Variants in TIGIT observed in about 807,000 individuals in gnomAD.
TIGIT encodes T-cell immunoreceptor with Ig and ITIM domains.
A neutral mutation model predicts 19.6 loss-of-function variants in TIGIT; 11 were observed. That is an observed-to-expected ratio of 0.56 (90% CI 0.35 to 0.93). TIGIT has a LOEUF of 0.93. TIGIT is among the 40% of genes least tolerant of loss of function. The probability of loss-of-function intolerance (pLI) is 0.01; values close to 1 mark genes in which losing one functional copy is unlikely to be tolerated. For synonymous variants in TIGIT, 130 were observed against 125.5 expected (o/e 1.04, Z -0.24); for missense variants, 295 against 303.9 (o/e 0.97, Z 0.22).
chr3:114,296,014 C>G, intron 2 of TIGIT, 140 bp downstream of exon 2: 2 of 684,542 alleles, frequency 2.9e-6, no homozygotes, highest in South Asian at 3.9e-5. Context: ...ATACTGATGC[C>G]GAGGCCTCAC....
intron 3 of TIGIT, among the ~76,000 whole-genome samples, chr3:114,301,935 T>A (rs2078495313): frequency 6.6e-6 from 1 of 152,166 alleles, no homozygotes. Flanking sequence ...TGAAGACAGT[T>A]TAATAATAGG....
At chr3:114,296,625 A>G (rs1044644461) in intron 2 of TIGIT, among the ~76,000 whole-genome samples, 6 of 152,250 alleles carry the variant, frequency 3.9e-5, no homozygotes, top group African/African-American at 7.2e-5. Context: ...GTCTTAGAAC[A>G]ATGCCTGGAA....
Position 114,308,066 on chromosome 3 carries a change from G to GA in TIGIT, c.671dup (p.Asp224GlufsTer13). ...GGGAGAGGACTGTGCCGAGCTGCAT[G>GA]ACTACTTCAATGTCCTGAGTTACAG... On this transcript the variant is annotated frameshift_variant, in exon 4 of 4. Transcript: ENST00000383671. LOFTEE classifies it high-confidence loss of function. The GA allele has an allele frequency of 6.2e-7, 1 of 1,614,180 alleles. No individual in the cohort carries two copies. Among genetic ancestry groups the GA allele is most frequent in the South Asian group, 1.1e-5 (1 of 91,068 alleles).
chr3:114,301,682 T>C (rs1481530781), intron 3 of TIGIT, among the ~76,000 whole-genome samples: 2 of 152,116 alleles, frequency 1.3e-5, no homozygotes, highest in Admixed American at 6.6e-5. Context: ...ATCTGGAGGG[T>C]AGAGAAAGAG....
intron 2 of TIGIT, 158 bp downstream of exon 2, chr3:114,296,032 A>G: frequency 1.6e-6 from 1 of 620,568 alleles, no homozygotes; most frequent in South Asian, 2.1e-5. Context: ...CACCCAGACC[A>G]ATTCAATCAG....
At chr3:114,304,627 T>C (rs147184918) in intron 3 of TIGIT, among the ~76,000 whole-genome samples, 59 of 152,354 alleles carry the variant, frequency 3.9e-4, no homozygotes, top group African/African-American at 1.4e-3. Flanking sequence ...AGCCAGGTCC[T>C]GTAGTATATA....
At chr3:114,297,999 G>A (rs2078466287) in intron 2 of TIGIT, among the ~76,000 whole-genome samples, 1 of 152,096 alleles carries the variant, frequency 6.6e-6, no homozygotes, top group Non-Finnish European at 1.5e-5. Context: ...GCTTCTTTTT[G>A]AACCTAATCT....
At chr3:114,305,621 G>A (rs537279752) in intron 3 of TIGIT, among the ~76,000 whole-genome samples, 1 of 152,042 alleles carries the variant, frequency 6.6e-6, no homozygotes, top group African/African-American at 2.4e-5. Context: ...GCTCACCAGC[G>A]AGGGCCCAAG....
Position 114,295,801 on chromosome 3 carries a change from C to T in TIGIT, c.318C>T (p.Tyr106=), listed in dbSNP as rs137943110. ...TGACCGTGAACGATACAGGGGAGTACTTCTGCATCTATCACACCTACCCTG... is the reference window on the plus strand; with the variant it reads ...TGACCGTGAACGATACAGGGGAGTATTTCTGCATCTATCACACCTACCCTG... ...QSLTVNDTGE[Y]FCIYHTYPDG... Residue 106 remains tyrosine, a synonymous_variant, in exon 2 of 4, where the codon TAC becomes TAT. Coordinates refer to ENST00000383671, the MANE Select transcript of TIGIT (RefSeq NM_173799.4). The T allele has an allele frequency of 1.8e-5, 29 of 1,614,170 alleles. No individual in the cohort carries two copies. In the East Asian group the frequency reaches 3.6e-4, roughly 20 times the overall value.
At chr3:114,306,939 C>T (rs182494512) in intron 3 of TIGIT, among the ~76,000 whole-genome samples, 59 of 152,276 alleles carry the variant, frequency 3.9e-4, no homozygotes, top group Admixed American at 3.1e-3. Flanking sequence ...AATCACTCTG[C>T]TGGCGACCAT....
At chr3:114,299,832 C>T (rs898072013) in intron 3 of TIGIT, 129 bp downstream of exon 3, 3 of 629,258 alleles carry the variant, frequency 4.8e-6, no homozygotes, top group Non-Finnish European at 5.7e-6. Context: ...GTGCCTTTTT[C>T]CTGGCATTTG....
chr3:114,303,573 GTATA>G (rs746613492), intron 3 of TIGIT, among the ~76,000 whole-genome samples: 9 of 46,654 alleles, frequency 1.9e-4, no homozygotes, highest in African/African-American at 1.1e-3. Context: ...ACATATATAT[GTATA>G]TATATATATA....
intron 2 of TIGIT, among the ~76,000 whole-genome samples, chr3:114,298,366 CTCATTA>C (rs1458755683): frequency 6.6e-6 from 1 of 152,196 alleles, no homozygotes; most frequent in East Asian, 1.9e-4. Flanking sequence ...CCTAACCAAA[CTCATTA>C]TCATAATCTT....
At chr3:114,295,895 T>C in intron 2 of TIGIT, 21 bp downstream of exon 2, 4 of 1,572,726 alleles carry the variant, frequency 2.5e-6, no homozygotes, top group Non-Finnish European at 3.5e-6. Context: ...TGGAGCAAGT[T>C]GGTGGATAAA....
chr3:114,308,771 C>T lies in TIGIT; in HGVS notation c.*640C>T, dbSNP rs1292894652. The T allele has an allele frequency of 6.6e-6, 1 of 152,490 alleles. No homozygotes were observed. The highest frequency in any genetic ancestry group is 1.9e-4 in the East Asian group (1 of 5,206). The allele number at this position is 152,490 out of a possible 1,614,324, so 9.4% of individuals were successfully genotyped here. On this transcript the variant is annotated 3_prime_UTR_variant, in exon 4 of 4. Transcript: ENST00000383671. ...GGTGAGGTAGTTGGCATAGGCTTAT[C>T]TGTGATGAAGTGGCCTGGGAGCACC...
chr3:114,294,086 T>G lies in TIGIT; in HGVS notation c.25T>G (p.Trp9Gly). ...CATGCGCTGGTGTCTCCTCCTGATC[T>G]GGGCCCAGGGGCTGAGGCAGGCTCC... MRWCLLLIWAQGLRQAPLA... is the reference protein window; with the variant it reads MRWCLLLIGAQGLRQAPLA... The change falls in exon 1 of 4, where the codon TGG (tryptophan) becomes GGG (glycine). Residue 9 changes from tryptophan to glycine, a missense_variant. Physicochemically the swap from Trp to Gly is radical, Grantham distance 184 (BLOSUM62 -2). Coordinates refer to ENST00000383671, the MANE Select transcript of TIGIT (RefSeq NM_173799.4). 6.4e-7 allele frequency: 1 copy of G among 1,554,632 alleles called. No homozygotes were observed. The highest frequency in any genetic ancestry group is 8.7e-7 in the Non-Finnish European group (1 of 1,148,212).
intron 3 of TIGIT, among the ~76,000 whole-genome samples, chr3:114,304,726 G>C (rs113153708): frequency 2.6e-5 from 4 of 152,198 alleles, no homozygotes; most frequent in Non-Finnish European, 5.9e-5. Context: ...GGACAGTAGG[G>C]GAGGCAGAGG....
intron 2 of TIGIT, 34 bp downstream of exon 2, chr3:114,295,908 T>G (rs2078450882): frequency 1.3e-6 from 2 of 1,531,284 alleles, no homozygotes; most frequent in Non-Finnish European, 1.8e-6. Context: ...TGGATAAACC[T>G]CTCCCTCTAG....
intron 1 of TIGIT, 94 bp downstream of exon 1, chr3:114,294,216 C>A: frequency 1.1e-6 from 1 of 915,536 alleles, no homozygotes; most frequent in Non-Finnish European, 1.7e-6. Context: ...ACTCCAAGAG[C>A]ATGCCACAGC....
Sources: gnomAD v4.1 joint callset for allele counts (sites outside exome capture counted in the v4.1 genomes callset) on GRCh38, gnomAD v4.1.1 for gene constraint, MANE v1.5 for transcripts, NCBI Gene and HGNC (gene_info 2026-07-23, HGNC 2026-07-21) for gene names.